LRFN5: variants seen among roughly 807,000 people sequenced by gnomAD.
LRFN5 encodes the protein leucine rich repeat and fibronectin type III domain containing 5.
Under a neutral mutation model 45.6 loss-of-function variants are expected in LRFN5, and 24 were observed. That is an observed-to-expected ratio of 0.53 (90% confidence interval 0.38 to 0.74). The LOEUF (loss-of-function observed/expected upper bound fraction) is 0.74. LRFN5 is among the 30% of genes least tolerant of loss of function. The pLI is 0.00. For missense variants in LRFN5, 776 were observed against 861.5 expected, an observed-to-expected ratio of 0.90 and a Z score of 1.24; for synonymous variants, 340 against 313.8, an observed-to-expected ratio of 1.08 and a Z score of -0.88.
chr14:41,669,647 A>G (rs1231507964), intron 1 of LRFN5, among the ~76,000 whole-genome samples: 1 of 151,964 alleles, frequency 6.6e-6, no homozygotes, highest in Non-Finnish European at 1.5e-5. Flanking sequence ...GACAATTTTG[A>G]AAGAAGTATA....
At chr14:41,850,373 C>G (rs867958923) in intron 2 of LRFN5, among the ~76,000 whole-genome samples, 2 of 151,714 alleles carry the variant, frequency 1.3e-5, no homozygotes, top group African/African-American at 4.8e-5. Flanking sequence ...AAATCTGCTT[C>G]AAAAATGAAT....
intron 1 of LRFN5, among the ~76,000 whole-genome samples, chr14:41,666,497 G>A (rs1177326282): frequency 1.3e-5 from 2 of 151,974 alleles, no homozygotes; most frequent in Non-Finnish European, 2.9e-5. Context: ...CTGCTAAATG[G>A]CAAAATGATT....
At chr14:41,755,802 G>T (rs1170056820) in intron 1 of LRFN5, among the ~76,000 whole-genome samples, 1 of 152,144 alleles carries the variant, frequency 6.6e-6, no homozygotes, top group Non-Finnish European at 1.5e-5. Flanking sequence ...ATTTGATCCT[G>T]TCATTATGAT....
intron 1 of LRFN5, among the ~76,000 whole-genome samples, chr14:41,667,865 T>C (rs1440925115): frequency 6.6e-6 from 1 of 152,194 alleles, no homozygotes; most frequent in Non-Finnish European, 1.5e-5. Context: ...TAATTAGTTA[T>C]TTGTGATTCT....
At chr14:41,796,783 T>C (rs1397660762) in intron 2 of LRFN5, among the ~76,000 whole-genome samples, 2 of 151,930 alleles carry the variant, frequency 1.3e-5, no homozygotes, top group African/African-American at 4.8e-5. Context: ...TGGTTTCATT[T>C]CTTGCTTTGG....
At chr14:41,699,700 T>A (rs1013334883) in intron 1 of LRFN5, 2 of 152,040 alleles carry the variant, frequency 1.3e-5, no homozygotes, top group East Asian at 1.9e-4. Flanking sequence ...GTGGAAGAGA[T>A]TGTTACAGGA....
intron 1 of LRFN5, chr14:41,609,977 C>T (rs2138533770): frequency 6.6e-6 from 1 of 152,596 alleles, no homozygotes; most frequent in African/African-American, 2.4e-5. Context: ...AACTCCTCTT[C>T]GAGTCTGGGC....
At chr14:41,668,647 C>T (rs1881021082) in intron 1 of LRFN5, among the ~76,000 whole-genome samples, 1 of 152,126 alleles carries the variant, frequency 6.6e-6, no homozygotes, top group Non-Finnish European at 1.5e-5. Context: ...AATGCTGTCC[C>T]CAAGACTGCT....
intron 1 of LRFN5, among the ~76,000 whole-genome samples, chr14:41,678,065 C>T (rs1202352166): frequency 6.6e-6 from 1 of 151,856 alleles, no homozygotes; most frequent in Non-Finnish European, 1.5e-5. Context: ...CTATAAGAGA[C>T]ACATTTCAAA....
intron 2 of LRFN5, among the ~76,000 whole-genome samples, chr14:41,834,519 A>G (rs1417048279): frequency 6.6e-6 from 1 of 152,190 alleles, no homozygotes; most frequent in Non-Finnish European, 1.5e-5. Context: ...TAATTACATA[A>G]CATGTTTTAA....
In LRFN5 at chr14:41,753,353, G is replaced by T. The variant is rs184844392; in HGVS notation, c.-196-13501G>T. Among the ~76,000 whole-genome samples the T allele has an allele frequency of 2.1e-3, 325 of 152,250 alleles. 1 individual carries two copies. The highest frequency in any genetic ancestry group is 7.2e-3 in the African/African-American group (299 of 41,540). ...TGGCATTGAATCTATAAATTACCTT[G>T]GGCAGTATGGCCATTTTCACAATAT... On this transcript the variant is annotated intron_variant, in intron 1 of 5. Transcript: ENST00000298119.
At chr14:41,681,495 C>A (rs936928291) in intron 1 of LRFN5, among the ~76,000 whole-genome samples, 13 of 151,930 alleles carry the variant, frequency 8.6e-5, no homozygotes, top group African/African-American at 3.1e-4. Flanking sequence ...AAAACAAAAC[C>A]AAACGGAACA....
Position 41,887,541 on chromosome 14 carries a change from CTG to C in LRFN5, c.917_918del (p.Leu306GlnfsTer9). ...AGTCCTGGAGGGACAAAGGGCAACA[CTG>C]AGGTGCAAAGCCAGGGGAGACCCTG... ...MRVLEGQRAT[L>X]RCKARGDPEP... is the part of the protein sequence containing the mutation. On this transcript the variant is annotated frameshift_variant, in exon 3 of 6. Coordinates refer to ENST00000298119, the MANE Select transcript of LRFN5 (RefSeq NM_152447.5). LOFTEE classifies it high-confidence loss of function. This position sits in a 1 kb window ranked among gnomAD's most constrained non-coding sequence, Gnocchi z 4.8. 6.2e-7 allele frequency: 1 copy of C among 1,614,194 alleles called. No homozygotes were observed. The highest frequency in any genetic ancestry group is 8.5e-7 in the Non-Finnish European group (1 of 1,180,030).
chr14:41,614,703 A>G (rs1333025074), intron 1 of LRFN5, among the ~76,000 whole-genome samples: 1 of 152,074 alleles, frequency 6.6e-6, no homozygotes, highest in Non-Finnish European at 1.5e-5. Flanking sequence ...ACCTTGAACA[A>G]GTCTTTGAAC....
chr14:41,904,220 T>C lies in LRFN5; in HGVS notation c.*45T>C, dbSNP rs1891186965. 1.2e-6 allele frequency: 2 copies of C among 1,604,844 alleles called. No homozygotes were observed. The highest frequency in any genetic ancestry group is 8.5e-7 in the Non-Finnish European group (1 of 1,174,558). On this transcript the variant is annotated 3_prime_UTR_variant, in exon 6 of 6. Coordinates refer to ENST00000298119, the MANE Select transcript of LRFN5 (RefSeq NM_152447.5). ...CTCTCCTGAAAAAATTTGCCACTGA[T>C]ATTTTTACTGGATAAAATTCAAAAA...
At chr14:41,647,043 A>G (rs1879850234) in intron 1 of LRFN5, among the ~76,000 whole-genome samples, 1 of 152,230 alleles carries the variant, frequency 6.6e-6, no homozygotes. Flanking sequence ...CTGAATGTTT[A>G]TATGACACTT....
chr14:41,621,226 A>T (rs765668701), intron 1 of LRFN5, among the ~76,000 whole-genome samples: 16 of 152,098 alleles, frequency 1.1e-4, no homozygotes, highest in Non-Finnish European at 2.2e-4. Flanking sequence ...CTGTGTCCCT[A>T]TATCCCCTGT....
At chr14:41,796,703 C>T (rs999511893) in intron 2 of LRFN5, among the ~76,000 whole-genome samples, 8 of 151,626 alleles carry the variant, frequency 5.3e-5, no homozygotes, top group South Asian at 2.1e-4. Flanking sequence ...TATAGAATTC[C>T]GCATGAATCT....
intron 1 of LRFN5, among the ~76,000 whole-genome samples, chr14:41,642,437 A>T (rs981878974): frequency 6.6e-6 from 1 of 152,204 alleles, no homozygotes. Context: ...ATGAAAATAC[A>T]TGAGGCAGCA....
Sources: allele counts gnomAD v4.1 joint callset (sites outside exome capture counted in the v4.1 genomes callset), GRCh38; gene constraint gnomAD v4.1.1; non-coding constraint Gnocchi (gnomAD v3.1); transcripts MANE v1.5; gene names NCBI Gene and HGNC (gene_info 2026-07-23, HGNC 2026-07-21).